Variants in FCHO2 observed in about 807,000 individuals in gnomAD.
The protein encoded by FCHO2 is F-BAR domain only protein 2.
FCHO2 carries 43 observed loss-of-function variants against 114.1 expected under a neutral mutation model. That is an observed-to-expected ratio of 0.38 (90% CI 0.30 to 0.49). The LOEUF is 0.49. FCHO2 is among the 20% of genes least tolerant of loss of function. FCHO2 has a pLI of 0.97. For synonymous variants in FCHO2, 293 were observed against 315.2 expected (o/e 0.93, Z 0.75); for missense variants, 807 against 950.4 (o/e 0.85, Z 1.98).
At chr5:73,029,487 G>C (rs2112781857) in intron 8 of FCHO2, among the ~76,000 whole-genome samples, 1 of 152,294 alleles carries the variant, frequency 6.6e-6, no homozygotes. Context: ...TTTGATTTAA[G>C]ACTATAGTTT....
intron 19 of FCHO2, among the ~76,000 whole-genome samples, chr5:73,069,417 G>T (rs1742522061): frequency 6.6e-6 from 1 of 151,542 alleles, no homozygotes; most frequent in African/African-American, 2.4e-5. Flanking sequence ...TGTGAGCCCT[G>T]AGCTTTTTGT....
chr5:73,019,120 G>A (rs1005059047), intron 8 of FCHO2, among the ~76,000 whole-genome samples: 2 of 152,188 alleles, frequency 1.3e-5, no homozygotes, highest in Non-Finnish European at 2.9e-5. Flanking sequence ...TAAGGGATTA[G>A]CAGTGGTCTA....
At chr5:73,076,436 G>T (rs1218357877) in intron 20 of FCHO2, among the ~76,000 whole-genome samples, 2 of 152,118 alleles carry the variant, frequency 1.3e-5, no homozygotes, top group Non-Finnish European at 2.9e-5. Flanking sequence ...TTTCATTTTT[G>T]TGTTTTTTAA....
intron 2 of FCHO2, among the ~76,000 whole-genome samples, chr5:72,982,239 C>T (rs1753252185): frequency 6.6e-6 from 1 of 152,168 alleles, no homozygotes; most frequent in African/African-American, 2.4e-5. Flanking sequence ...GTGGGCTGCA[C>T]CCACTGTCTA....
chr5:73,024,726 C>T lies in FCHO2; in HGVS notation c.796+7418C>T, dbSNP rs185126065. Among the ~76,000 whole-genome samples, 4 of 152,134 alleles carry T rather than the reference C, an allele frequency of 2.6e-5. No individual in the cohort carries two copies. In the East Asian group the frequency reaches 5.8e-4, roughly 22 times the overall value. On this transcript the variant is annotated intron_variant, in intron 8 of 25. Transcript: ENST00000430046. Reference sequence around the variant, plus strand: ...TGCTGGGATTACAGGTGTGAGCCACCGCCCGCGGCCTAGCAGTGAGACTTT... The same window carrying T: ...TGCTGGGATTACAGGTGTGAGCCACTGCCCGCGGCCTAGCAGTGAGACTTT...
chr5:73,036,469 A>T (rs1363043000), intron 9 of FCHO2, among the ~76,000 whole-genome samples: 1 of 151,546 alleles, frequency 6.6e-6, no homozygotes, highest in Non-Finnish European at 1.5e-5. Flanking sequence ...CATCTCCTGG[A>T]CTCAAGCAAT....
At chr5:73,068,555 G>A in intron 18 of FCHO2, 95 bp from the exon 19 acceptor site, 1 of 1,287,138 alleles carries the variant, frequency 7.8e-7, no homozygotes, top group Non-Finnish European at 1.1e-6. Flanking sequence ...CAGTAAATTT[G>A]GTTTGGTATG....
chr5:73,026,031 C>T (rs770690261), intron 8 of FCHO2, among the ~76,000 whole-genome samples: 1 of 152,200 alleles, frequency 6.6e-6, no homozygotes, highest in African/African-American at 2.4e-5. Flanking sequence ...TGTGGTGGCT[C>T]ACGCCTGTAA....
At chr5:73,002,224 T>C (rs1754484685) in intron 5 of FCHO2, among the ~76,000 whole-genome samples, 1 of 152,212 alleles carries the variant, frequency 6.6e-6, no homozygotes, top group South Asian at 2.1e-4. Flanking sequence ...TTAATGGTTT[T>C]ATCCCTCTTG....
At chr5:73,019,700 A>G (rs1452606504) in intron 8 of FCHO2, among the ~76,000 whole-genome samples, 1 of 152,160 alleles carries the variant, frequency 6.6e-6, no homozygotes, top group Non-Finnish European at 1.5e-5. Flanking sequence ...CCATGCTGCA[A>G]AGGTGTGAAT....
At chr5:72,982,980 C>G (rs2112648536) in intron 2 of FCHO2, among the ~76,000 whole-genome samples, 1 of 151,856 alleles carries the variant, frequency 6.6e-6, no homozygotes, top group Non-Finnish European at 1.5e-5. Flanking sequence ...GTGGCGCGAT[C>G]TCTGCTCACC....
At chr5:72,976,500 C>T (rs930879652) in intron 2 of FCHO2, among the ~76,000 whole-genome samples, 4 of 152,126 alleles carry the variant, frequency 2.6e-5, no homozygotes, top group African/African-American at 9.7e-5. Context: ...GGAACCAGCA[C>T]ACCTTTCCTC....
At position 73,072,462 on chromosome 5, in the gene FCHO2, C is replaced by T. The variant is rs138200452; in HGVS notation, c.1580-2280C>T. On this transcript the variant is annotated intron_variant, in intron 19 of 25. Coordinates refer to ENST00000430046, the MANE Select transcript of FCHO2 (RefSeq NM_138782.3). ...AAAGAGATAGTTGTTTACTCCTGTTCGTAGCAGCACTATTCACAGCAGCCA... is the reference window on the plus strand; with the variant it reads ...AAAGAGATAGTTGTTTACTCCTGTTTGTAGCAGCACTATTCACAGCAGCCA... Among the ~76,000 whole-genome samples, 1,098 of 152,118 alleles carry T rather than the reference C, an allele frequency of 7.2e-3. 8 individuals are homozygous for T. Among genetic ancestry groups the T allele is most frequent in the Middle Eastern group, 0.024 (7 of 294 alleles).
intron 22 of FCHO2, among the ~76,000 whole-genome samples, chr5:73,081,233 G>A (rs750953272): frequency 7.2e-5 from 11 of 152,186 alleles, no homozygotes; most frequent in African/African-American, 2.4e-5. Flanking sequence ...AGCAGTCAGA[G>A]TAGGTCTCCT....
intron 10 of FCHO2, among the ~76,000 whole-genome samples, chr5:73,040,715 A>G (rs1756761744): frequency 6.6e-6 from 1 of 152,210 alleles, no homozygotes; most frequent in African/African-American, 2.4e-5. Flanking sequence ...CTGGAAGTCT[A>G]CTCAGTATAT....
rs183636445 is a variant in FCHO2, at chr5:73,007,282, A to G, written c.600+733A>G. Among the ~76,000 whole-genome samples, 105 of 152,312 alleles carry G rather than the reference A, an allele frequency of 6.9e-4. 2 individuals carry two copies. In the East Asian group the frequency reaches 0.014, roughly 20 times the overall value. ...TATGGGTTGGCTGCAGCTGTTTTAC[A>G]TCGTCTTCACTGTAGTCCTGAGGCT... On this transcript the variant is annotated intron_variant, in intron 6 of 25. Transcript: ENST00000430046.
chr5:73,087,956 G>A, intron 25 of FCHO2, 112 bp from the exon 26 acceptor site: 1 of 1,458,514 alleles, frequency 6.9e-7, no homozygotes, highest in Non-Finnish European at 9.5e-7. Flanking sequence ...TGATTCTAAT[G>A]TACTGTAAAT....
chr5:73,006,417 A>C (rs775243908), intron 5 of FCHO2, 28 bp from the exon 6 acceptor site: 4 of 1,394,940 alleles, frequency 2.9e-6, no homozygotes, highest in Non-Finnish European at 1.9e-6. Flanking sequence ...ATGCACAGTT[A>C]AAAGTTTTTT....
chr5:73,072,170 A>T (rs1742687211), intron 19 of FCHO2, among the ~76,000 whole-genome samples: 1 of 151,992 alleles, frequency 6.6e-6, no homozygotes, highest in Non-Finnish European at 1.5e-5. Context: ...CTGGAATTAC[A>T]GGCATGAGCC....
Sources: gnomAD v4.1 joint callset for allele counts (sites outside exome capture counted in the v4.1 genomes callset) on GRCh38, gnomAD v4.1.1 for gene constraint, MANE v1.5 for transcripts, NCBI Gene and HGNC (gene_info 2026-07-23, HGNC 2026-07-21) for gene names.